The following ZNF268 variants were observed in gnomAD, a reference collection of about 807,000 sequenced individuals.
ZNF268 encodes zinc finger protein 268, also known as zinc finger protein 3.
Under a neutral mutation model 29.3 loss-of-function variants are expected in ZNF268, and 20 were observed. The observed-to-expected ratio is 0.68, with a 90% CI of 0.48 to 0.99. The LOEUF (loss-of-function observed/expected upper bound fraction) is 0.99, where lower values mean the gene tolerates loss of function less well. Ranked by LOEUF, ZNF268 falls within the 50% of genes least tolerant of loss-of-function variation. The pLI is 0.00. For missense variants in ZNF268, 1,240 were observed against 1,121.6 expected (o/e 1.11, Z -1.51); for synonymous variants, 429 against 376.9 (o/e 1.14, Z -1.60).
At chr12:133,185,214 G>T (rs577324722) in intron 2 of ZNF268, among the ~76,000 whole-genome samples, 1 of 151,674 alleles carries the variant, frequency 6.6e-6, no homozygotes, top group Non-Finnish European at 1.5e-5. Context: ...AGAATGTGTG[G>T]TGGCTACTTT....
intron 5 of ZNF268, among the ~76,000 whole-genome samples, chr12:133,199,214 A>G (rs1244171547): frequency 1.3e-5 from 2 of 152,198 alleles, no homozygotes; most frequent in South Asian, 2.1e-4. Context: ...CGTCTCATCA[A>G]TACCTAATTT....
chr12:133,200,053 T>C (rs1956713347), intron 5 of ZNF268, among the ~76,000 whole-genome samples: 1 of 152,186 alleles, frequency 6.6e-6, no homozygotes, highest in African/African-American at 2.4e-5. Flanking sequence ...TTTTAGTTAT[T>C]TCTTGCCTTC....
chr12:133,202,602 T>G lies in ZNF268; in HGVS notation c.916T>G (p.Cys306Gly), dbSNP rs746318563. Residue 306 changes from cysteine to glycine, a missense_variant, in exon 6 of 6, where the codon TGT becomes GGT. Cys to Gly is a radical substitution (Grantham distance 159, BLOSUM62 -3). This residue lies in a region of ZNF268 where 1,177 missense variants were observed against 1,039.6 expected (regional missense o/e 1.13). Transcript: ENST00000536435. Reference sequence around the variant, plus strand: ...TCATGCCGAAGAGAAACCCTATGGTTGTAATGAATGTGGGAAAGACTTCAG... The same window carrying G: ...TCATGCCGAAGAGAAACCCTATGGTGGTAATGAATGTGGGAAAGACTTCAG... ...QTHAEEKPYG[C>G]NECGKDFSSK... 6.2e-7 allele frequency: 1 copy of G among 1,605,690 alleles called. No homozygotes were observed.
At chr12:133,195,840 T>G (rs1217471983) in intron 5 of ZNF268, among the ~76,000 whole-genome samples, 1 of 151,556 alleles carries the variant, frequency 6.6e-6, no homozygotes, top group East Asian at 2.0e-4. Flanking sequence ...GCCTCCCCCT[T>G]CCAAGTAGCT....
chr12:133,201,129 C>T (rs1448526991), intron 5 of ZNF268, among the ~76,000 whole-genome samples: 6 of 151,854 alleles, frequency 4.0e-5, no homozygotes, highest in Non-Finnish European at 7.4e-5. Flanking sequence ...TAATTTTTTG[C>T]TAATTTAATT....
At chr12:133,183,708 T>C (rs1339416382) in intron 2 of ZNF268, among the ~76,000 whole-genome samples, 2 of 152,100 alleles carry the variant, frequency 1.3e-5, no homozygotes, top group Non-Finnish European at 2.9e-5. Context: ...TTTGTATGGA[T>C]TGGCTCCTCT....
At chr12:133,194,870 C>T (rs1956557100) in intron 5 of ZNF268, among the ~76,000 whole-genome samples, 1 of 152,210 alleles carries the variant, frequency 6.6e-6, no homozygotes, top group Admixed American at 6.5e-5. Context: ...TTCTTCCCAG[C>T]CATCCATCTT....
rs1286255760 is a variant in ZNF268, at chr12:133,211,800, A to G, written c.*7270A>G. 6.6e-6 allele frequency: 1 copy of G among 152,246 alleles called. No homozygotes were observed. Among genetic ancestry groups the G allele is most frequent in the Non-Finnish European group, 1.5e-5 (1 of 68,046 alleles). 9.4% of individuals were successfully genotyped at this position (152,246 alleles called of 1,614,324 possible). A position where few individuals can be genotyped will look rare whatever the true frequency, so the allele number is the denominator to read the frequency against. ...CATAATAGTATAGCCACTTTGGAAG[A>G]TAGTTTGACTTTTCCCCAAAGCTAA... On this transcript the variant is annotated 3_prime_UTR_variant, in exon 6 of 6. Transcript: ENST00000536435.
chr12:133,201,619 A>ATGT (rs1354389143), intron 5 of ZNF268, among the ~76,000 whole-genome samples: 1 of 152,046 alleles, frequency 6.6e-6, no homozygotes, highest in Non-Finnish European at 1.5e-5. Context: ...TTAAGGAATG[A>ATGT]TGTTCCCTCT....
chr12:133,195,759 C>T (rs1956576825), intron 5 of ZNF268, among the ~76,000 whole-genome samples: 1 of 151,780 alleles, frequency 6.6e-6, no homozygotes, highest in Non-Finnish European at 1.5e-5. Context: ...GCTCTGTTGC[C>T]TAGGCTGGAG....
At chr12:133,197,004 G>C (rs547697178) in intron 5 of ZNF268, among the ~76,000 whole-genome samples, 2 of 147,308 alleles carry the variant, frequency 1.4e-5, no homozygotes, top group African/African-American at 2.5e-5. Flanking sequence ...TTATTTTCCA[G>C]ATTTTCTATT....
Position 133,210,548 on chromosome 12 carries a change from G to A in ZNF268, c.*6018G>A. 3.4e-6 allele frequency: 1 copy of A among 290,174 alleles called. No homozygotes were observed. Among genetic ancestry groups the A allele is most frequent in the Non-Finnish European group, 6.9e-6 (1 of 143,906 alleles). The allele number at this position is 290,174 out of a possible 1,614,324, so 18.0% of individuals were successfully genotyped here. On this transcript the variant is annotated 3_prime_UTR_variant, in exon 6 of 6. Coordinates refer to ENST00000536435, the MANE Select transcript of ZNF268 (RefSeq NM_003415.3). ...TGTGCCCCACAGTGGTCCTCAGGTT[G>A]GCCAGTGGAGAAGGAAGCTCTGGTT... is the stretch of plus-strand genomic sequence containing the variant.
In ZNF268 at chr12:133,202,388, C is replaced by G; in HGVS notation, c.702C>G (p.Phe234Leu). 1 of 1,611,026 alleles carries G rather than the reference C, an allele frequency of 6.2e-7. No homozygotes were observed. Among genetic ancestry groups the G allele is most frequent in the African/African-American group, 1.3e-5 (1 of 74,944 alleles). ...GGTTTCAGGTACATGGAAAATCATTCTTCCATTCTAAACATGAGCAAACTG... is the reference window on the plus strand; with the variant it reads ...GGTTTCAGGTACATGGAAAATCATTGTTCCATTCTAAACATGAGCAAACTG... ...PNGFQVHGKS[F>L]FHSKHEQTVI... The change falls in exon 6 of 6, where the codon TTC becomes TTG. Residue 234 changes from phenylalanine to leucine, a missense_variant. Transcript: ENST00000536435.
intron 3 of ZNF268, 180 bp downstream of exon 3, chr12:133,188,252 A>G: frequency 3.3e-6 from 2 of 599,526 alleles, no homozygotes. Flanking sequence ...AGTGGAGCGC[A>G]GTGGTGCAAT....
At chr12:133,191,359 C>A in intron 3 of ZNF268, 130 bp from the exon 4 acceptor site, 3 of 981,870 alleles carry the variant, frequency 3.1e-6, no homozygotes, top group South Asian at 1.6e-5. Flanking sequence ...ATTTAATGCA[C>A]ATTGATGGAT....
rs1956833819 is a variant in ZNF268 at position 133,204,077 on chromosome 12, A to G, written c.2391A>G (p.Ile797Met). 6.4e-7 allele frequency: 1 copy of G among 1,552,944 alleles called. No homozygotes were observed. The highest frequency in any genetic ancestry group is 8.7e-7 in the Non-Finnish European group (1 of 1,151,820). ...TTAGCAGCAAGTCATACCTAATTAT[A>G]CACATGAGAACTCATTCAGGTGAAA... ...KAFSSKSYLIIHMRTHSGEKP... is the reference protein window; with the variant it reads ...KAFSSKSYLIMHMRTHSGEKP... The change falls in exon 6 of 6, where the codon ATA (isoleucine) becomes ATG (methionine). Residue 797 changes from isoleucine (I) to methionine (M), a missense_variant. Transcript: ENST00000536435.
intron 5 of ZNF268, among the ~76,000 whole-genome samples, chr12:133,197,627 T>G (rs1956643765): frequency 6.6e-6 from 1 of 152,334 alleles, no homozygotes; most frequent in African/African-American, 2.4e-5. Flanking sequence ...ACTTCCACAA[T>G]GGTTGAACTA....
chr12:133,211,160 GAAT>G lies in ZNF268; in HGVS notation c.*6633_*6635del, dbSNP rs1218349818. The G allele has an allele frequency of 5.8e-6, 2 of 343,352 alleles. No homozygotes were observed. The highest frequency in any genetic ancestry group is 1.2e-5 in the Non-Finnish European group (2 of 171,548). 21.3% of individuals were successfully genotyped at this position (343,352 alleles called of 1,614,324 possible). On this transcript the variant is annotated 3_prime_UTR_variant, in exon 6 of 6. Coordinates refer to ENST00000536435, the MANE Select transcript of ZNF268 (RefSeq NM_003415.3). ...TATAGCAATAATTGGAATTTGTAAT[GAAT>G]AAAATCATTCAAAAAAATCTGAAAA...
chr12:133,191,348 G>T (rs917756035), intron 3 of ZNF268, 141 bp from the exon 4 acceptor site: 4 of 868,522 alleles, frequency 4.6e-6, no homozygotes, highest in Non-Finnish European at 7.0e-6. Context: ...AAAGATGACT[G>T]ATTTAATGCA....
Sources: allele counts gnomAD v4.1 joint callset (sites outside exome capture counted in the v4.1 genomes callset), GRCh38; gene constraint gnomAD v4.1.1; regional missense constraint gnomAD v4.1.1; transcripts MANE v1.5; gene names NCBI Gene and HGNC (gene_info 2026-07-23, HGNC 2026-07-21).